The following ITPR2 variants were observed in gnomAD, a reference collection of about 807,000 sequenced individuals.
The protein encoded by ITPR2 is inositol 1,4,5-trisphosphate-gated calcium channel ITPR2.
Under a neutral mutation model 317.1 loss-of-function variants are expected in ITPR2, and 207 were observed. That is an observed-to-expected ratio of 0.65 (90% CI 0.58 to 0.73). ITPR2 has a LOEUF of 0.73. ITPR2 is among the 30% of genes least tolerant of loss of function. The probability of loss-of-function intolerance (pLI) is 0.00; values close to 1 mark genes in which losing one functional copy is unlikely to be tolerated. For missense variants in ITPR2, 2,613 were observed against 3,284.0 expected (o/e 0.80, Z 4.99); for synonymous variants, 1,156 against 1,149.1 (o/e 1.01, Z -0.12).
intron 37 of ITPR2, among the ~76,000 whole-genome samples, chr12:26,500,294 T>C (rs1002695332): frequency 3.9e-5 from 6 of 152,216 alleles, no homozygotes; most frequent in Non-Finnish European, 8.8e-5. Flanking sequence ...TGCAAATAAT[T>C]GTCTCAGAGC....
chr12:26,706,011 A>T (rs1396837338), intron 9 of ITPR2, among the ~76,000 whole-genome samples: 1 of 152,198 alleles, frequency 6.6e-6, no homozygotes, highest in African/African-American at 2.4e-5. Context: ...AAAGAAAGAA[A>T]ATGTAGAAAG....
intron 13 of ITPR2, among the ~76,000 whole-genome samples, chr12:26,672,969 T>C (rs1279828949): frequency 6.6e-6 from 1 of 152,148 alleles, no homozygotes; most frequent in Admixed American, 6.5e-5. Flanking sequence ...ATAAATTCCT[T>C]GACACATACA....
At chr12:26,782,040 A>ATAT in intron 2 of ITPR2, among the ~76,000 whole-genome samples, 6 of 24,760 alleles carry the variant, frequency 2.4e-4, no homozygotes, top group African/African-American at 7.4e-4. Flanking sequence ...ATATGTATAG[A>ATAT]GAGAGAGAGA....
intron 2 of ITPR2, among the ~76,000 whole-genome samples, chr12:26,758,735 T>C (rs1949575312): frequency 1.3e-5 from 2 of 152,184 alleles, no homozygotes; most frequent in Admixed American, 6.5e-5. Context: ...TACTCTTCCC[T>C]CATTGGTCTG....
chr12:26,599,066 GC>G (rs1945926369), intron 30 of ITPR2, 78 bp downstream of exon 30: 4 of 1,240,872 alleles, frequency 3.2e-6, no homozygotes, highest in Admixed American at 1.8e-5. Flanking sequence ...GTTGTTGGGG[GC>G]TTTTTCACTG....
At chr12:26,734,996 CTTTTT>C (rs5797195) in intron 2 of ITPR2, among the ~76,000 whole-genome samples, 2 of 109,042 alleles carry the variant, frequency 1.8e-5, no homozygotes, top group Non-Finnish European at 3.6e-5. Flanking sequence ...GCAAGCCAGT[CTTTTT>C]TTTTTTTTTT....
chr12:26,756,510 G>A (rs1050902084), intron 2 of ITPR2, among the ~76,000 whole-genome samples: 2 of 152,284 alleles, frequency 1.3e-5, no homozygotes, highest in East Asian at 3.9e-4. Context: ...TGCTGTTGTA[G>A]TCTTTTTGTA....
At position 26,647,681 on chromosome 12, in the gene ITPR2, C is replaced by T. The variant is rs188441403; in HGVS notation, c.2740+6295G>A. Reference sequence around the variant, plus strand: ...GCATTTAAAATCACTGAGAGCAAATCGTAAGTATTAGGCAAAGCAAATTGA... The same window carrying T: ...GCATTTAAAATCACTGAGAGCAAATTGTAAGTATTAGGCAAAGCAAATTGA... On this transcript the variant is annotated intron_variant, in intron 21 of 56. Transcript: ENST00000381340. 1.5e-3 allele frequency among the ~76,000 whole-genome samples: 236 copies of T among 152,308 alleles called. 1 individual carries two copies. Among genetic ancestry groups the T allele is most frequent in the African/African-American group, 5.4e-3 (225 of 41,564 alleles).
At chr12:26,679,843 A>G (rs371664530) in intron 13 of ITPR2, among the ~76,000 whole-genome samples, 16 of 152,142 alleles carry the variant, frequency 1.1e-4, no homozygotes, top group East Asian at 5.8e-4. Context: ...CCAAATGTTC[A>G]GGCTATAGTC....
intron 37 of ITPR2, among the ~76,000 whole-genome samples, chr12:26,549,799 T>C (rs1944480928): frequency 6.6e-6 from 1 of 151,964 alleles, no homozygotes; most frequent in South Asian, 2.1e-4. Context: ...AAAATAGTAT[T>C]ATTTTATAAA....
chr12:26,584,336 A>T (rs933219744), intron 32 of ITPR2, among the ~76,000 whole-genome samples: 2 of 152,126 alleles, frequency 1.3e-5, no homozygotes, highest in Non-Finnish European at 1.5e-5. Context: ...TGCCATTAGG[A>T]TATATGCTCC....
At chr12:26,535,571 T>A (rs1944067247) in intron 37 of ITPR2, among the ~76,000 whole-genome samples, 1 of 152,214 alleles carries the variant, frequency 6.6e-6, no homozygotes, top group South Asian at 2.1e-4. Context: ...AAGAAACAGT[T>A]ATCTACCTTG....
At chr12:26,432,436 C>T (rs1941235902) in intron 48 of ITPR2, among the ~76,000 whole-genome samples, 1 of 152,126 alleles carries the variant, frequency 6.6e-6, no homozygotes, top group South Asian at 2.1e-4. Flanking sequence ...TGCTGGGTCT[C>T]ATTACAGGTG....
chr12:26,617,087 G>A (rs1034224736), intron 26 of ITPR2, among the ~76,000 whole-genome samples: 1 of 152,160 alleles, frequency 6.6e-6, no homozygotes, highest in African/African-American at 2.4e-5. Context: ...GAGGGAGTCA[G>A]AAGTTATAAA....
At chr12:26,654,859 A>G (rs1010154159) in intron 20 of ITPR2, among the ~76,000 whole-genome samples, 1 of 152,148 alleles carries the variant, frequency 6.6e-6, no homozygotes, top group Non-Finnish European at 1.5e-5. Context: ...TTAGAAACAG[A>G]CTGTCCAGCC....
chr12:26,448,001 T>A (rs116877145), intron 45 of ITPR2, among the ~76,000 whole-genome samples: 1,332 of 124,946 alleles, frequency 0.011, 12 homozygotes, highest in African/African-American at 0.029. Flanking sequence ...TGACTTTTTT[T>A]TAAAAAAAAA....
intron 26 of ITPR2, among the ~76,000 whole-genome samples, chr12:26,605,055 T>C (rs1946090285): frequency 6.9e-6 from 1 of 144,784 alleles, no homozygotes; most frequent in African/African-American, 2.6e-5. Flanking sequence ...ACCACAGCAC[T>C]GCAGCCTGGG....
intron 26 of ITPR2, among the ~76,000 whole-genome samples, chr12:26,619,127 A>C (rs17477122): frequency 1.3e-5 from 2 of 152,192 alleles, no homozygotes; most frequent in African/African-American, 4.8e-5. Context: ...TGTTTAAAGA[A>C]ATAATGTCAC....
At chr12:26,663,969 G>A (rs1947562431) in intron 14 of ITPR2, 123 bp from the exon 15 acceptor site, 10 of 910,698 alleles carry the variant, frequency 1.1e-5, no homozygotes, top group Non-Finnish European at 1.4e-5. Flanking sequence ...AGAGTAAACG[G>A]GAAAAACAAA....
Sources: allele counts gnomAD v4.1 joint callset (sites outside exome capture counted in the v4.1 genomes callset), GRCh38; gene constraint gnomAD v4.1.1; transcripts MANE v1.5; gene names NCBI Gene and HGNC (gene_info 2026-07-23, HGNC 2026-07-21).